Variants in RBPJ observed in about 807,000 individuals in gnomAD.
The protein encoded by RBPJ is recombination signal binding protein for immunoglobulin kappa J region, also known as recombining binding protein suppressor of hairless.
In RBPJ, 9 loss-of-function variants were observed where a neutral mutation model predicts 67.8. The ratio of observed to expected loss-of-function variants is 0.13; its 90% CI spans 0.08 to 0.23. The LOEUF is 0.23. RBPJ is among the 10% of genes least tolerant of loss of function. RBPJ has a pLI of 1.00. For synonymous variants in RBPJ, 198 were observed against 203.3 expected, an observed-to-expected ratio of 0.97 and a Z score of 0.22; for missense variants, 305 against 595.6, an observed-to-expected ratio of 0.51 and a Z score of 5.08.
intron 1 of RBPJ, among the ~76,000 whole-genome samples, chr4:26,169,169 T>C (rs1322346297): frequency 5.3e-5 from 8 of 152,064 alleles, no homozygotes; most frequent in Non-Finnish European, 1.5e-5. Context: ...GTTTCCAGTT[T>C]TTCTGCTCTG....
intron 1 of RBPJ, among the ~76,000 whole-genome samples, chr4:26,228,135 A>T (rs1164633953): frequency 6.6e-6 from 1 of 152,210 alleles, no homozygotes; most frequent in African/African-American, 2.4e-5. Context: ...ACATTGTCTC[A>T]CAGGTACTCT....
At chr4:26,174,528 G>A (rs987718270) in intron 1 of RBPJ, among the ~76,000 whole-genome samples, 2 of 152,124 alleles carry the variant, frequency 1.3e-5, no homozygotes, top group Non-Finnish European at 2.9e-5. Context: ...GCAGTGCAGT[G>A]GTGCGATCTC....
At chr4:26,212,188 A>G (rs1457872093) in intron 1 of RBPJ, among the ~76,000 whole-genome samples, 1 of 152,124 alleles carries the variant, frequency 6.6e-6, no homozygotes, top group Admixed American at 6.6e-5. Flanking sequence ...TGGAAATTAT[A>G]ATAACCCATA....
chr4:26,252,146 A>C (rs527741479), intron 1 of RBPJ, among the ~76,000 whole-genome samples: 1 of 151,848 alleles, frequency 6.6e-6, no homozygotes, highest in African/African-American at 2.4e-5. Context: ...GTATGTCGGC[A>C]TGAAGTTTGA....
the RBPJ span, among the ~76,000 whole-genome samples, chr4:26,119,421 C>G: frequency 3.9e-5 from 6 of 152,130 alleles, no homozygotes; most frequent in South Asian, 2.1e-4. Context: ...AAAGTATGGA[C>G]CCTTTAGCTT....
chr4:26,165,208 T>C (rs10004084), intron 1 of RBPJ, among the ~76,000 whole-genome samples: 35,927 of 152,140 alleles, frequency 0.24, 5,136 homozygotes, highest in African/African-American at 0.4. Context: ...GTACAGAAAT[T>C]TGGACATCCA....
chr4:26,369,680 A>G (rs899313711), intron 1 of RBPJ, among the ~76,000 whole-genome samples: 1 of 152,220 alleles, frequency 6.6e-6, no homozygotes, highest in Non-Finnish European at 1.5e-5. Flanking sequence ...GGGGCTGACC[A>G]GATTTGGTTT....
intron 1 of RBPJ, 96 bp downstream of exon 1, chr4:26,321,144 G>C: frequency 1.2e-6 from 1 of 829,120 alleles, no homozygotes; most frequent in Admixed American, 3.1e-5. Flanking sequence ...CGGCGCGCTT[G>C]GCGTTCGGGG....
At chr4:26,258,138 C>G (rs925369486) in intron 1 of RBPJ, among the ~76,000 whole-genome samples, 1 of 152,250 alleles carries the variant, frequency 6.6e-6, no homozygotes, top group Non-Finnish European at 1.5e-5. Context: ...AGCCAAGCCT[C>G]ATAGAGCATC....
chr4:26,156,724 G>C, the RBPJ span, among the ~76,000 whole-genome samples: 45 of 151,812 alleles, frequency 3.0e-4, no homozygotes, highest in Non-Finnish European at 5.3e-4. Flanking sequence ...CAAAGTGCTG[G>C]GATTACAGAC....
At chr4:26,229,126 G>C (rs1433914374) in intron 1 of RBPJ, among the ~76,000 whole-genome samples, 2 of 152,218 alleles carry the variant, frequency 1.3e-5, no homozygotes, top group African/African-American at 4.8e-5. Context: ...TAGGCAACAG[G>C]ATAGAGAATC....
chr4:26,318,775 G>C (rs1355412022), upstream of RBPJ, among the ~76,000 whole-genome samples: 1 of 151,998 alleles, frequency 6.6e-6, no homozygotes, highest in Non-Finnish European at 1.5e-5. Context: ...GAGGCGGGCG[G>C]ATCACGAGGT....
At chr4:26,210,516 T>A (rs1164681647) in intron 1 of RBPJ, among the ~76,000 whole-genome samples, 2 of 152,280 alleles carry the variant, frequency 1.3e-5, no homozygotes, top group East Asian at 3.9e-4. Flanking sequence ...AGAAGCTATA[T>A]GACGTTAATC....
At chr4:26,268,638 A>G (rs376955636) in intron 1 of RBPJ, among the ~76,000 whole-genome samples, 14 of 151,988 alleles carry the variant, frequency 9.2e-5, no homozygotes, top group African/African-American at 2.9e-4. Flanking sequence ...TCTCAGCATC[A>G]TTGTCAAACA....
intron 1 of RBPJ, among the ~76,000 whole-genome samples, chr4:26,186,772 C>T (rs766113642): frequency 2.0e-5 from 3 of 152,166 alleles, no homozygotes; most frequent in Non-Finnish European, 4.4e-5. Context: ...CTTTAATTTA[C>T]CATTTCTATT....
chr4:26,382,153 A>G (rs1157263967), intron 1 of RBPJ, among the ~76,000 whole-genome samples: 1 of 152,220 alleles, frequency 6.6e-6, no homozygotes, highest in African/African-American at 2.4e-5. Flanking sequence ...CAACAAGATT[A>G]TGTCAGTAGA....
chr4:26,362,480 G>A (rs1728167467), intron 1 of RBPJ: 11 of 1,477,640 alleles, frequency 7.4e-6, no homozygotes, highest in Admixed American at 2.6e-5. Context: ...TCAAATGGAA[G>A]CATTATAGTT....
intron 1 of RBPJ, among the ~76,000 whole-genome samples, chr4:26,381,288 C>T (rs1458824664): frequency 6.6e-6 from 1 of 151,930 alleles, no homozygotes; most frequent in Non-Finnish European, 1.5e-5. Context: ...ACAATACCTC[C>T]TCTGTGAGCA....
At chr4:26,362,693 A>G (rs1728201933) in intron 1 of RBPJ, 2 of 1,238,850 alleles carry the variant, frequency 1.6e-6, no homozygotes, top group African/African-American at 1.5e-5. Flanking sequence ...ATGATTCTGT[A>G]TTTAGTTAAT....
Sources: allele counts gnomAD v4.1 joint callset (sites outside exome capture counted in the v4.1 genomes callset), GRCh38; gene constraint gnomAD v4.1.1; transcripts MANE v1.5; gene names NCBI Gene and HGNC (gene_info 2026-07-23, HGNC 2026-07-21).